The following MARS1 variants were observed in gnomAD, a reference collection of about 807,000 sequenced individuals.
The protein encoded by MARS1 is methionine--tRNA ligase, cytoplasmic.
Under a neutral mutation model 119.5 loss-of-function variants are expected in MARS1, and 80 were observed. The observed-to-expected ratio is 0.67, with a 90% CI of 0.56 to 0.81. The LOEUF (loss-of-function observed/expected upper bound fraction) is 0.81, where lower values mean the gene tolerates loss of function less well. MARS1 is among the 30% of genes least tolerant of loss of function. MARS1 has a pLI of 0.00. For synonymous variants in MARS1, 418 were observed against 433.4 expected, an observed-to-expected ratio of 0.96 and a Z score of 0.44; for missense variants, 945 against 1,116.5, an observed-to-expected ratio of 0.85 and a Z score of 2.19.
chr12:57,510,342 C>T (rs1188723264), intron 11 of MARS1, among the ~76,000 whole-genome samples: 3 of 152,048 alleles, frequency 2.0e-5, no homozygotes, highest in Non-Finnish European at 2.9e-5. Context: ...CGTGGTGGCA[C>T]CGACCTGTAG....
chr12:57,513,635 GC>G (rs1594834327), intron 15 of MARS1, among the ~76,000 whole-genome samples: 1 of 147,880 alleles, frequency 6.8e-6, no homozygotes, highest in East Asian at 2.1e-4. Flanking sequence ...AAAAAAAAAG[GC>G]TTCTGCTATA....
At chr12:57,509,241 T>C (rs921917290) in intron 11 of MARS1, among the ~76,000 whole-genome samples, 1 of 152,202 alleles carries the variant, frequency 6.6e-6, no homozygotes, top group Non-Finnish European at 1.5e-5. Flanking sequence ...AAAAATACTC[T>C]AGGTTCATCT....
At position 57,488,215 on chromosome 12, in the gene MARS1, C is replaced by G. The variant is rs766444150; in HGVS notation, c.109+16C>G. Reference sequence around the variant, plus strand: ...GGCCCGGAAGGTACTCGTGCTGGTGCTGGTGGGCGGTGGATGGGGGGGCGG... The same window carrying G: ...GGCCCGGAAGGTACTCGTGCTGGTGGTGGTGGGCGGTGGATGGGGGGGCGG... On this transcript the variant is annotated intron_variant, in intron 1 of 20. Coordinates refer to ENST00000262027, the MANE Select transcript of MARS1 (RefSeq NM_004990.4). The G allele has an allele frequency of 4.4e-6, 7 of 1,601,952 alleles. No homozygotes were observed. The highest frequency in any genetic ancestry group is 6.0e-6 in the Non-Finnish European group (7 of 1,170,516).
intron 1 of MARS1, 21 bp from the exon 2 acceptor site, chr12:57,488,998 C>A: frequency 2.6e-6 from 4 of 1,533,664 alleles, no homozygotes; most frequent in Non-Finnish European, 3.6e-6. Context: ...TTTTTTAACC[C>A]ATTTTCCATT....
chr12:57,512,079 G>C lies in MARS1; in HGVS notation c.1611G>C (p.Glu537Asp). 6.2e-7 allele frequency: 1 copy of C among 1,614,206 alleles called. No individual in the cohort carries two copies. The highest frequency in any genetic ancestry group is 8.5e-7 in the Non-Finnish European group (1 of 1,180,034). Residue 537 changes from glutamate (E) to aspartate (D), a missense_variant, in exon 13 of 21, where the codon GAG (glutamate) becomes GAC (aspartate). By Grantham distance (45) the Glu-to-Asp change is conservative. Transcript: ENST00000262027. ...CAGCCAACTACACAGACCAGTGGGA[G>C]AGATGGTGGAAGAACCCAGAGCAAG... ...SITANYTDQW[E>D]RWWKNPEQVD...
At chr12:57,490,157 G>T in intron 5 of MARS1, 50 bp from the exon 6 acceptor site, 2 of 1,576,584 alleles carry the variant, frequency 1.3e-6, no homozygotes. Flanking sequence ...GCCCGCTCCT[G>T]CCTACCAGGT....
intron 11 of MARS1, among the ~76,000 whole-genome samples, chr12:57,506,024 T>C (rs1877164038): frequency 6.6e-6 from 1 of 151,738 alleles, no homozygotes; most frequent in Admixed American, 6.6e-5. Flanking sequence ...AAGGGCTACC[T>C]AGGTGGGCCG....
Position 57,511,732 on chromosome 12 carries a change from C to T in MARS1, c.1403C>T (p.Thr468Ile), listed in dbSNP as rs1353220226. The change falls in exon 12 of 21, where the codon ACA (threonine) becomes ATA (isoleucine). Residue 468 changes from threonine (T) to isoleucine (I), a missense_variant. Thr to Ile is a moderately conservative substitution (Grantham distance 89). Coordinates refer to ENST00000262027, the MANE Select transcript of MARS1 (RefSeq NM_004990.4). ...EKRLEEWLGR[T>I]LPGSDWTPNA... ...CGACTGGAGGAGTGGTTGGGGAGGA[C>T]ATTGCCTGGCAGTGACTGGACACCC... The T allele has an allele frequency of 1.2e-6, 2 of 1,614,060 alleles. No homozygotes were observed. The highest frequency in any genetic ancestry group is 1.3e-5 in the African/African-American group (1 of 74,920).
At position 57,512,824 on chromosome 12, in the gene MARS1, C is replaced by T. The variant is rs368630832; in HGVS notation, c.1827C>T (p.Asp609=). The part of the protein sequence containing the change: ...GVGVFGDMAQ[D]TGIPADIWRF... ...GAGTGTTTGGGGACATGGCCCAGGA[C>T]ACGGGGATCCCTGCTGACATCTGGC... Residue 609 remains aspartate (D), a synonymous_variant, in exon 15 of 21, where the codon GAC becomes GAT. Coordinates refer to ENST00000262027, the MANE Select transcript of MARS1 (RefSeq NM_004990.4). The T allele has an allele frequency of 6.2e-7, 1 of 1,614,118 alleles. No homozygotes were observed. Among genetic ancestry groups the T allele is most frequent in the African/African-American group, 1.3e-5 (1 of 74,928 alleles).
chr12:57,516,199 T>A, intron 19 of MARS1, 46 bp from the exon 20 acceptor site: 1 of 1,554,872 alleles, frequency 6.4e-7, no homozygotes, highest in Non-Finnish European at 8.9e-7. Context: ...AAACTGGAGG[T>A]TAGGGGATAT....
chr12:57,505,043 C>A (rs1420805109), intron 11 of MARS1, among the ~76,000 whole-genome samples: 1 of 151,770 alleles, frequency 6.6e-6, no homozygotes, highest in Non-Finnish European at 1.5e-5. Context: ...GAGATGGGTT[C>A]TCACTGTGTT....
chr12:57,504,768 C>G (rs1801711684), intron 11 of MARS1, among the ~76,000 whole-genome samples: 1 of 145,918 alleles, frequency 6.9e-6, no homozygotes. Flanking sequence ...CAATGGCGCA[C>G]TCTTGGCTCA....
chr12:57,512,294 C>G lies in MARS1; in HGVS notation c.1694C>G (p.Pro565Arg). Reference protein sequence around the residue: ...DNVPFHSLVFPCSALGAEDNY... With the variant: ...DNVPFHSLVFRCSALGAEDNY... ...GTTCCTTTCCATAGCTTAGTCTTTC[C>G]TTGCTCAGCCCTAGGAGCTGAGGAT... The change falls in exon 14 of 21, where the codon CCT becomes CGT. Residue 565 changes from proline (P) to arginine (R), a missense_variant. Transcript: ENST00000262027. The G allele has an allele frequency of 6.2e-7, 1 of 1,614,136 alleles. No homozygotes were observed. Among genetic ancestry groups the G allele is most frequent in the Non-Finnish European group, 8.5e-7 (1 of 1,180,020 alleles).
chr12:57,511,866 A>T lies in MARS1; in HGVS notation c.1537A>T (p.Lys513Ter). ...TGTACCCTTAGAAGGTTTTGAAGAC[A>T]AGGTAAAAACCCTTTTTTATTCATA... The part of the protein sequence containing the change: ...TPVPLEGFED[K>*]VFYVWFDATI... The change falls in exon 12 of 21, where the codon AAG (lysine) becomes TAG (stop). Residue 513 changes from lysine to a stop codon, truncating the protein, a stop_gained and splice_region_variant. Coordinates refer to ENST00000262027, the MANE Select transcript of MARS1 (RefSeq NM_004990.4). LOFTEE classifies it high-confidence loss of function. 6.2e-7 allele frequency: 1 copy of T among 1,613,896 alleles called. No homozygotes were observed. Among genetic ancestry groups the T allele is most frequent in the Non-Finnish European group, 8.5e-7 (1 of 1,179,852 alleles).
At chr12:57,500,885 C>G (rs1292414826) in intron 10 of MARS1, among the ~76,000 whole-genome samples, 4 of 152,098 alleles carry the variant, frequency 2.6e-5, no homozygotes, top group African/African-American at 9.7e-5. Context: ...TTTTTTGAAT[C>G]CTTAGAATAG....
In MARS1 at chr12:57,508,003, C is replaced by T. The variant is rs534468898; in HGVS notation, c.1369-3695C>T. Among the ~76,000 whole-genome samples, 158 of 151,644 alleles carry T rather than the reference C, an allele frequency of 1.0e-3. 1 individual carries two copies. Among genetic ancestry groups the T allele is most frequent in the African/African-American group, 3.6e-3 (147 of 41,322 alleles). Reference sequence around the variant, plus strand: ...CTCAGACGCGGCGGCCGGGCAGAGGCGCTCCTTACATCCCAGAAAGGGCGG... The same window carrying T: ...CTCAGACGCGGCGGCCGGGCAGAGGTGCTCCTTACATCCCAGAAAGGGCGG... On this transcript the variant is annotated intron_variant, in intron 11 of 20. Transcript: ENST00000262027.
intron 10 of MARS1, among the ~76,000 whole-genome samples, chr12:57,501,325 G>A (rs902659380): frequency 6.6e-6 from 1 of 152,240 alleles, no homozygotes; most frequent in Non-Finnish European, 1.5e-5. Context: ...TGGGAATTTA[G>A]ATTTTATTCT....
chr12:57,488,535 C>A (rs1045913132), intron 1 of MARS1: 45 of 1,531,812 alleles, frequency 2.9e-5, no homozygotes, highest in Non-Finnish European at 3.7e-5. Flanking sequence ...AGCATGACAG[C>A]CCCCAGGCAC....
At chr12:57,490,110 A>G (rs1312162747) in intron 5 of MARS1, 97 bp from the exon 6 acceptor site, 1 of 1,483,232 alleles carries the variant, frequency 6.7e-7, no homozygotes, top group Non-Finnish European at 9.3e-7. Context: ...GAACTGGGGA[A>G]AGCAACTGGA....
Sources: allele counts gnomAD v4.1 joint callset (sites outside exome capture counted in the v4.1 genomes callset), GRCh38; gene constraint gnomAD v4.1.1; transcripts MANE v1.5; gene names NCBI Gene and HGNC (gene_info 2026-07-23, HGNC 2026-07-21).